The following TTC28 variants were observed in gnomAD, a reference collection of about 807,000 sequenced individuals.
The protein encoded by TTC28 is tetratricopeptide repeat protein 28.
A neutral mutation model predicts 198.0 loss-of-function variants in TTC28; 61 were observed. The ratio of observed to expected loss-of-function variants is 0.31; its 90% CI spans 0.25 to 0.38. The LOEUF is 0.38. TTC28 is among the 10% of genes least tolerant of loss of function. The pLI, the probability that TTC28 is intolerant of heterozygous loss-of-function variation, is 1.00. For synonymous variants in TTC28, 1,171 were observed against 1,297.8 expected, an observed-to-expected ratio of 0.90 and a Z score of 2.10; for missense variants, 2,678 against 3,164.0, an observed-to-expected ratio of 0.85 and a Z score of 3.69.
chr22:28,661,780 T>C (rs1291093965), intron 1 of TTC28, among the ~76,000 whole-genome samples: 1 of 152,162 alleles, frequency 6.6e-6, no homozygotes, highest in East Asian at 1.9e-4. Flanking sequence ...CTAATTTTTG[T>C]ATTTTTAGTG....
chr22:28,497,670 G>A (rs184236627), intron 2 of TTC28, among the ~76,000 whole-genome samples: 5 of 152,136 alleles, frequency 3.3e-5, no homozygotes, highest in African/African-American at 7.2e-5. Flanking sequence ...CTAGGGGATC[G>A]GAAATACATA....
At chr22:28,549,710 C>A (rs572147373) in intron 2 of TTC28, among the ~76,000 whole-genome samples, 3 of 152,120 alleles carry the variant, frequency 2.0e-5, no homozygotes, top group African/African-American at 7.2e-5. Flanking sequence ...TAGGTTAGAT[C>A]CCTTTTCAAA....
chr22:28,041,129 A>C (rs1461302727), intron 12 of TTC28, among the ~76,000 whole-genome samples: 2 of 152,246 alleles, frequency 1.3e-5, no homozygotes, highest in African/African-American at 4.8e-5. Context: ...GATAGGAAGA[A>C]TCAATATCAT....
At chr22:28,084,403 T>A (rs1941482136) in intron 12 of TTC28, among the ~76,000 whole-genome samples, 1 of 152,124 alleles carries the variant, frequency 6.6e-6, no homozygotes, top group Non-Finnish European at 1.5e-5. Flanking sequence ...GAAAACAGGG[T>A]CTGGAGTGGA....
At chr22:28,557,490 A>G (rs2049804381) in intron 2 of TTC28, among the ~76,000 whole-genome samples, 1 of 152,344 alleles carries the variant, frequency 6.6e-6, no homozygotes. Flanking sequence ...TTTTTCATGT[A>G]CAGACATTCT....
intron 2 of TTC28, among the ~76,000 whole-genome samples, chr22:28,328,987 A>C (rs933733201): frequency 1.3e-5 from 2 of 151,882 alleles, no homozygotes; most frequent in Non-Finnish European, 2.9e-5. Context: ...CATTTTCAAA[A>C]AGAGAAACCT....
chr22:27,989,543 A>G (rs1464231045), intron 21 of TTC28, among the ~76,000 whole-genome samples: 1 of 152,074 alleles, frequency 6.6e-6, no homozygotes, highest in African/African-American at 2.4e-5. Flanking sequence ...TTTGGAAGAA[A>G]AAGAGAGATC....
At chr22:28,006,379 A>AT (rs1937929901) in intron 14 of TTC28, 1 of 152,244 alleles carries the variant, frequency 6.6e-6, no homozygotes, top group Non-Finnish European at 1.5e-5. Flanking sequence ...TATTGGTCAA[A>AT]TGCGAATTTA....
chr22:28,506,199 A>G (rs762743496), intron 2 of TTC28, among the ~76,000 whole-genome samples: 17 of 151,990 alleles, frequency 1.1e-4, no homozygotes, highest in Non-Finnish European at 1.6e-4. Context: ...GCAGTTCAGC[A>G]GACTCGGCCG....
intron 5 of TTC28, among the ~76,000 whole-genome samples, chr22:28,213,569 C>A (rs552995488): frequency 1.8e-5 from 2 of 109,572 alleles, no homozygotes; most frequent in East Asian, 5.0e-4. Flanking sequence ...ATCCAACTTA[C>A]AAGGGATGTG....
chr22:28,574,551 T>C (rs896315214), intron 2 of TTC28, among the ~76,000 whole-genome samples: 2 of 152,228 alleles, frequency 1.3e-5, no homozygotes, highest in Non-Finnish European at 2.9e-5. Flanking sequence ...AGCAATGGCA[T>C]TGCTATATCA....
In TTC28 at chr22:28,558,496, C is replaced by T. The variant is rs964399912; in HGVS notation, c.381+71056G>A. ...CAAGACCAGCCTGACCAACATGGTGCAACCCTGTCTCTACTAAAAATACAA... is the reference window on the plus strand; with the variant it reads ...CAAGACCAGCCTGACCAACATGGTGTAACCCTGTCTCTACTAAAAATACAA... On this transcript the variant is annotated intron_variant, in intron 2 of 22. Transcript: ENST00000397906. Among the ~76,000 whole-genome samples the T allele has an allele frequency of 3.3e-5, 5 of 151,494 alleles. No individual in the cohort carries two copies. In the East Asian group the frequency reaches 9.8e-4, roughly 30 times the overall value.
chr22:28,075,878 G>C (rs780040263), intron 12 of TTC28, among the ~76,000 whole-genome samples: 3 of 152,112 alleles, frequency 2.0e-5, no homozygotes, highest in Non-Finnish European at 4.4e-5. Flanking sequence ...CTTCTCACGT[G>C]GTAGATTAAT....
chr22:28,356,984 T>TATA lies in TTC28; in HGVS notation c.382-50344_382-50342dup, dbSNP rs373387352. On this transcript the variant is annotated intron_variant, in intron 2 of 22. Coordinates refer to ENST00000397906, the MANE Select transcript of TTC28 (RefSeq NM_001145418.2). ...CAAGAATCTGGCCCTGGCCATGCTA[T>TATA]ATAATAATAATAATAATGTCTGCAT... Among the ~76,000 whole-genome samples the TATA allele has an allele frequency of 1.3e-3, 204 of 152,170 alleles. 1 individual carries two copies. Among genetic ancestry groups the TATA allele is most frequent in the African/African-American group, 4.5e-3 (187 of 41,536 alleles).
At chr22:28,316,498 CATT>C (rs761568684) in intron 2 of TTC28, among the ~76,000 whole-genome samples, 7 of 152,072 alleles carry the variant, frequency 4.6e-5, no homozygotes, top group Non-Finnish European at 1.0e-4. Context: ...TTTTCATTGG[CATT>C]ATGTTAAATC....
At chr22:28,196,205 A>G (rs1925320570) in intron 5 of TTC28, among the ~76,000 whole-genome samples, 1 of 152,134 alleles carries the variant, frequency 6.6e-6, no homozygotes, top group Non-Finnish European at 1.5e-5. Flanking sequence ...CCTATTTAAT[A>G]AATGGTGCTG....
chr22:28,042,596 G>C (rs1247275648), intron 12 of TTC28, among the ~76,000 whole-genome samples: 1 of 152,104 alleles, frequency 6.6e-6, no homozygotes, highest in Admixed American at 6.5e-5. Flanking sequence ...TGGGGGACTG[G>C]AGGAGGGAGA....
At chr22:28,062,734 TA>T (rs1214949424) in intron 12 of TTC28, among the ~76,000 whole-genome samples, 2 of 152,178 alleles carry the variant, frequency 1.3e-5, no homozygotes, top group African/African-American at 4.8e-5. Flanking sequence ...TTAGATATTG[TA>T]ATTTTCAGTT....
At chr22:28,128,827 A>G (rs1464730262) in intron 6 of TTC28, among the ~76,000 whole-genome samples, 1 of 152,172 alleles carries the variant, frequency 6.6e-6, no homozygotes, top group Non-Finnish European at 1.5e-5. Flanking sequence ...GGTGTGAGCC[A>G]CTACACCTGC....
Sources: gnomAD v4.1 joint callset for allele counts (sites outside exome capture counted in the v4.1 genomes callset) on GRCh38, gnomAD v4.1.1 for gene constraint, MANE v1.5 for transcripts, NCBI Gene and HGNC (gene_info 2026-07-23, HGNC 2026-07-21) for gene names.